PDXK: variants seen among roughly 807,000 people sequenced by gnomAD.
The protein encoded by PDXK is pyridoxal kinase.
In PDXK, 15 loss-of-function variants were observed where a neutral mutation model predicts 43.2. That is an observed-to-expected ratio of 0.35 (90% CI 0.23 to 0.53). PDXK has a LOEUF of 0.53. PDXK is among the 20% of genes least tolerant of loss of function. The pLI, the probability that PDXK is intolerant of heterozygous loss-of-function variation, is 0.92. For missense variants in PDXK, 343 were observed against 417.0 expected (o/e 0.82, Z 1.54); for synonymous variants, 172 against 165.4 (o/e 1.04, Z -0.31).
intron 9 of PDXK, among the ~76,000 whole-genome samples, chr21:43,755,169 C>T (rs2083824822): frequency 6.6e-6 from 1 of 152,082 alleles, no homozygotes. Flanking sequence ...TTCCCCAGCA[C>T]CTTTGACTCT....
intron 1 of PDXK, among the ~76,000 whole-genome samples, chr21:43,724,613 G>T (rs552487600): frequency 2.6e-5 from 4 of 151,820 alleles, no homozygotes; most frequent in East Asian, 1.9e-4. Flanking sequence ...AGGCCGAGAT[G>T]GGGGGATCAC....
chr21:43,752,823 C>T (rs1257595316), intron 8 of PDXK, among the ~76,000 whole-genome samples, 194 bp downstream of exon 8: 1 of 152,174 alleles, frequency 6.6e-6, no homozygotes, highest in African/African-American at 2.4e-5. Context: ...GATGAATGGC[C>T]TGGCTGGAAC....
intron 7 of PDXK, among the ~76,000 whole-genome samples, chr21:43,750,962 A>ATATG (rs36141783): frequency 0.044 from 6,685 of 150,668 alleles, 149 homozygotes; most frequent in African/African-American, 0.071. Context: ...ATGTGTGTGC[A>ATATG]TGTGTGTGTG....
chr21:43,751,830 T>C (rs987407806), intron 7 of PDXK, among the ~76,000 whole-genome samples: 1 of 152,226 alleles, frequency 6.6e-6, no homozygotes, highest in Admixed American at 6.5e-5. Flanking sequence ...ATGGGTGCCA[T>C]GTTTCAACAT....
rs1410006354 is a variant in PDXK at position 43,747,598 on chromosome 21, C to T, written c.379-1397C>T. On this transcript the variant is annotated intron_variant, in intron 5 of 10. Transcript: ENST00000291565. Reference sequence around the variant, plus strand: ...GGAAGGTTCCCTGTCCTGCGCCCAGCCTGCAGGACCCCAGCTTGCAGCTCC... The same window carrying T: ...GGAAGGTTCCCTGTCCTGCGCCCAGTCTGCAGGACCCCAGCTTGCAGCTCC... Among the ~76,000 whole-genome samples the T allele has an allele frequency of 2.6e-5, 4 of 152,372 alleles. No individual in the cohort carries two copies. In the East Asian group the frequency reaches 7.7e-4, roughly 29 times the overall value.
intron 1 of PDXK, chr21:43,720,029 A>C: frequency 1.4e-6 from 1 of 690,330 alleles, no homozygotes; most frequent in Non-Finnish European, 1.8e-6. Flanking sequence ...TCTGACGAGG[A>C]GAAGCCCCAG....
At chr21:43,744,639 G>A (rs1297202280) in intron 4 of PDXK, 1 of 152,256 alleles carries the variant, frequency 6.6e-6, no homozygotes, top group Non-Finnish European at 1.5e-5. Context: ...GTGTGAGCGA[G>A]GATGCAGAAA....
chr21:43,755,342 G>C (rs549741704), intron 9 of PDXK: 1 of 229,910 alleles, frequency 4.3e-6, no homozygotes, highest in Non-Finnish European at 8.7e-6. Context: ...CTGGGCTTTC[G>C]GCAGGAGCAC....
rs1040643468 is a variant in PDXK at position 43,735,832 on chromosome 21, C to T, written c.142+1709C>T. 2.0e-5 allele frequency among the ~76,000 whole-genome samples: 3 copies of T among 152,192 alleles called. No homozygotes were observed. The highest frequency in any genetic ancestry group is 4.8e-5 in the African/African-American group (2 of 41,448). On this transcript the variant is annotated intron_variant, in intron 2 of 10. Transcript: ENST00000291565. The surrounding 1 kb of genome is among the most constrained non-coding windows in gnomAD (Gnocchi z 5.3). The stretch of plus-strand genomic sequence containing the variant: ...GTGGCTCAGGGGCAACTCCCTAGGG[C>T]AGTGAGGGCAGGTGTCACTCTCCCC...
intron 1 of PDXK, among the ~76,000 whole-genome samples, chr21:43,720,814 C>A (rs977306902): frequency 6.6e-6 from 1 of 152,164 alleles, no homozygotes; most frequent in African/African-American, 2.4e-5. Context: ...CTGAGGACAG[C>A]GTCCACTCTC....
At chr21:43,746,663 C>T (rs1355929991) in intron 5 of PDXK, among the ~76,000 whole-genome samples, 2 of 152,160 alleles carry the variant, frequency 1.3e-5, no homozygotes, top group South Asian at 2.1e-4. Context: ...AAGTGATCCA[C>T]CTGCCTTGGC....
chr21:43,735,367 C>T lies in PDXK; in HGVS notation c.142+1244C>T, dbSNP rs945592884. On this transcript the variant is annotated intron_variant, in intron 2 of 10. Transcript: ENST00000291565. This position sits in a 1 kb window ranked among gnomAD's most constrained non-coding sequence, Gnocchi z 5.3. ...GTCAGTGCTGGTTCAACATCCACAC[C>T]GACCCGGCTGCCCTTGCATGGATTC... 5.3e-5 allele frequency among the ~76,000 whole-genome samples: 8 copies of T among 152,362 alleles called. No individual in the cohort carries two copies. In the South Asian group the frequency reaches 6.2e-4, roughly 12 times the overall value.
At chr21:43,727,021 G>GCC (rs2083261202) in intron 1 of PDXK, among the ~76,000 whole-genome samples, 1 of 152,160 alleles carries the variant, frequency 6.6e-6, no homozygotes, top group Non-Finnish European at 1.5e-5. Flanking sequence ...TGCTCTGCAG[G>GCC]CCCCAGTGTT....
chr21:43,729,078 C>A (rs2083284850), intron 1 of PDXK: 1 of 944,940 alleles, frequency 1.1e-6, no homozygotes, highest in Non-Finnish European at 1.3e-6. Context: ...CGCACCCGCC[C>A]GCCCGCAATC....
chr21:43,725,561 G>A lies in PDXK; in HGVS notation c.87+6180G>A, dbSNP rs896826833. Among the ~76,000 whole-genome samples, 9 of 152,202 alleles carry A rather than the reference G, an allele frequency of 5.9e-5. No individual in the cohort carries two copies. The South Asian group carries it at 1.9e-3, about 32-fold the overall frequency. On this transcript the variant is annotated intron_variant, in intron 1 of 10. Coordinates refer to ENST00000291565, the MANE Select transcript of PDXK (RefSeq NM_003681.5). ...ACGGTGGCTCACGCCTATAATCCCAGCACTTTGGGAGGCTGAGGTGGGTGG... is the reference window on the plus strand; with the variant it reads ...ACGGTGGCTCACGCCTATAATCCCAACACTTTGGGAGGCTGAGGTGGGTGG...
chr21:43,751,076 G>A (rs2083742902), intron 7 of PDXK, among the ~76,000 whole-genome samples: 1 of 152,228 alleles, frequency 6.6e-6, no homozygotes, highest in Non-Finnish European at 1.5e-5. Flanking sequence ...GTTGGGAAGG[G>A]CAGGCTGGAG....
At chr21:43,733,247 A>ACC (rs1568976417) in intron 1 of PDXK, among the ~76,000 whole-genome samples, 31 of 26,838 alleles carry the variant, frequency 1.2e-3, no homozygotes, top group Middle Eastern at 0.025. Flanking sequence ...GCCCCTCCCC[A>ACC]TCCCCACCCC....
intron 8 of PDXK, among the ~76,000 whole-genome samples, chr21:43,753,334 G>A (rs530451448): frequency 1.1e-4 from 17 of 151,906 alleles, no homozygotes; most frequent in African/African-American, 3.1e-4. Context: ...CGTTACTCTC[G>A]GGAGTTTCAC....
chr21:43,722,678 T>C (rs1041139962), intron 1 of PDXK, among the ~76,000 whole-genome samples: 2 of 151,792 alleles, frequency 1.3e-5, no homozygotes, highest in African/African-American at 2.4e-5. Context: ...GCCCCAGGCT[T>C]CTGGGGCTCA....
Sources: allele counts gnomAD v4.1 joint callset (sites outside exome capture counted in the v4.1 genomes callset), GRCh38; gene constraint gnomAD v4.1.1; non-coding constraint Gnocchi (gnomAD v3.1); transcripts MANE v1.5; gene names NCBI Gene and HGNC (gene_info 2026-07-23, HGNC 2026-07-21).